The following RARB variants were observed in gnomAD, a reference collection of about 807,000 sequenced individuals.
RARB encodes retinoic acid receptor beta.
RARB carries 17 observed loss-of-function variants against 51.9 expected under a neutral mutation model. The ratio of observed to expected loss-of-function variants is 0.33; its 90% CI spans 0.22 to 0.49. The LOEUF (loss-of-function observed/expected upper bound fraction) is 0.49, where lower values mean the gene tolerates loss of function less well. Among genes scored for constraint, RARB ranks in the 20% least tolerant of loss-of-function variants. The pLI, the probability that RARB is intolerant of heterozygous loss-of-function variation, is 0.99. For synonymous variants in RARB, 215 were observed against 195.4 expected, an observed-to-expected ratio of 1.10 and a Z score of -0.84; for missense variants, 369 against 550.8, an observed-to-expected ratio of 0.67 and a Z score of 3.30.
At chr3:25,417,535 T>G (rs1347260196) in intron 5 of RARB, among the ~76,000 whole-genome samples, 1 of 152,176 alleles carries the variant, frequency 6.6e-6, no homozygotes. Context: ...AATGGGAGTT[T>G]CCCTGCACAA....
chr3:24,921,188 TTC>T (rs1378750538), intron 2 of RARB, among the ~76,000 whole-genome samples: 1 of 152,170 alleles, frequency 6.6e-6, no homozygotes, highest in Admixed American at 6.5e-5. Context: ...GACTATCAGT[TTC>T]TGACTTCTTC....
chr3:25,463,641 G>A (rs1366042719), intron 2 of RARB, among the ~76,000 whole-genome samples: 1 of 149,586 alleles, frequency 6.7e-6, no homozygotes, highest in African/African-American at 2.5e-5. Context: ...CCAGCCTGAC[G>A]ACAGAGTGAG....
At chr3:25,195,686 G>A (rs943698097) in intron 5 of RARB, among the ~76,000 whole-genome samples, 1 of 151,904 alleles carries the variant, frequency 6.6e-6, no homozygotes, top group Non-Finnish European at 1.5e-5. Flanking sequence ...ACTGTATTTT[G>A]CCATTAACTT....
intron 5 of RARB, among the ~76,000 whole-genome samples, chr3:25,292,821 T>C (rs1489623662): frequency 6.6e-6 from 1 of 152,186 alleles, no homozygotes; most frequent in Non-Finnish European, 1.5e-5. Flanking sequence ...GCCTGTGTTA[T>C]GAGAAAACAT....
chr3:25,315,543 G>A (rs1268223278), intron 5 of RARB, among the ~76,000 whole-genome samples: 1 of 152,102 alleles, frequency 6.6e-6, no homozygotes, highest in Non-Finnish European at 1.5e-5. Context: ...ACTGGCAAGA[G>A]ATGGAAGAGC....
rs367564472 is a variant in RARB, at chr3:24,912,254, A to G, written c.-380+53502A>G. ...ATCAGGCATACAAGGTACGAATCCT[A>G]CTTCTTCCATGTTTTATCTATCTGA... On this transcript the variant is annotated intron_variant, in intron 2 of 11. Coordinates refer to the RARB transcript ENST00000383772. Among the ~76,000 whole-genome samples the G allele has an allele frequency of 2.0e-5, 3 of 152,148 alleles. No homozygotes were observed. In the East Asian group the frequency reaches 5.8e-4, roughly 29 times the overall value.
intron 2 of RARB, among the ~76,000 whole-genome samples, chr3:24,964,035 TTGA>T (rs952602190): frequency 1.1e-3 from 175 of 152,250 alleles, no homozygotes; most frequent in African/African-American, 3.9e-3. Flanking sequence ...TTCTCAGTAT[TTGA>T]TATTTGTTTT....
At chr3:24,961,684 T>C (rs1279802151) in intron 2 of RARB, among the ~76,000 whole-genome samples, 1 of 152,096 alleles carries the variant, frequency 6.6e-6, no homozygotes, top group Non-Finnish European at 1.5e-5. Context: ...AAGTGATGGA[T>C]CAACTCAGAA....
chr3:24,932,893 T>A (rs1039869989), intron 2 of RARB, among the ~76,000 whole-genome samples: 7 of 152,128 alleles, frequency 4.6e-5, no homozygotes, highest in African/African-American at 9.7e-5. Flanking sequence ...AGAAAGTAAT[T>A]AATGATTATG....
At position 25,594,666 on chromosome 3, in the gene RARB, A is replaced by G; in HGVS notation, c.1138A>G (p.Ile380Val). Reference protein sequence around the residue: ...ILMKITDLRSISAKGAERVIT... With the variant: ...ILMKITDLRSVSAKGAERVIT... The stretch of plus-strand genomic sequence containing the variant: ...AATGAAAATCACAGATCTCCGTAGC[A>G]TCAGTGCTAAAGGTATGTCTTCGTG... Residue 380 changes from isoleucine (I) to valine (V), a missense_variant, in exon 7 of 8, where the codon ATC becomes GTC. By Grantham distance (29) the Ile-to-Val change is conservative. Coordinates refer to ENST00000330688, the MANE Select transcript of RARB (RefSeq NM_000965.5). 1.2e-6 allele frequency: 2 copies of G among 1,612,654 alleles called. No individual in the cohort carries two copies. The highest frequency in any genetic ancestry group is 3.3e-4 in the Middle Eastern group (2 of 6,048).
At chr3:25,342,806 C>A (rs372218531) in intron 5 of RARB, among the ~76,000 whole-genome samples, 99 of 152,208 alleles carry the variant, frequency 6.5e-4, no homozygotes, top group Middle Eastern at 3.4e-3. Context: ...GTAGGTAGCA[C>A]AGCTTGGCCT....
chr3:25,253,889 A>T (rs1405566072), intron 5 of RARB, among the ~76,000 whole-genome samples: 1 of 152,130 alleles, frequency 6.6e-6, no homozygotes, highest in African/African-American at 2.4e-5. Flanking sequence ...ACTTGTGAGA[A>T]CCTCTAATAG....
intron 5 of RARB, among the ~76,000 whole-genome samples, chr3:25,376,177 C>T (rs906663282): frequency 6.6e-6 from 1 of 152,146 alleles, no homozygotes; most frequent in Admixed American, 6.5e-5. Context: ...GAATCAGTCA[C>T]ATAAAATGGC....
At chr3:25,197,805 C>G (rs1701282613) in intron 5 of RARB, among the ~76,000 whole-genome samples, 3 of 151,818 alleles carry the variant, frequency 2.0e-5, no homozygotes, top group South Asian at 4.2e-4. Context: ...AAAGATATTC[C>G]ATGTTCATGG....
At chr3:25,195,991 G>T (rs1365565559) in intron 5 of RARB, among the ~76,000 whole-genome samples, 1 of 151,936 alleles carries the variant, frequency 6.6e-6, no homozygotes, top group East Asian at 1.9e-4. Flanking sequence ...TTGTTCCTCT[G>T]CTTCGAGTCA....
In RARB at chr3:25,079,312, T is replaced by C. The variant is rs549270241; in HGVS notation, c.-328+19136T>C. Among the ~76,000 whole-genome samples the C allele has an allele frequency of 5.3e-5, 8 of 152,336 alleles. No homozygotes were observed. In the South Asian group the frequency reaches 1.7e-3, roughly 32 times the overall value. On this transcript the variant is annotated intron_variant, in intron 3 of 11. Coordinates refer to the RARB transcript ENST00000383772. ...ATGGACAAATCATAGTTGTATTGTC[T>C]TTGAATAAAGACAGTTTACCTCTTC...
intron 2 of RARB, among the ~76,000 whole-genome samples, chr3:24,906,955 G>C (rs1308836600): frequency 1.3e-5 from 2 of 151,248 alleles, no homozygotes; most frequent in African/African-American, 4.9e-5. Context: ...CAAGTTAAAA[G>C]AAGGAAGAGA....
chr3:25,232,897 T>C (rs2125391232), intron 5 of RARB, among the ~76,000 whole-genome samples: 1 of 152,222 alleles, frequency 6.6e-6, no homozygotes, highest in Admixed American at 6.5e-5. Flanking sequence ...GTAGGTGTTC[T>C]GAGCACATTT....
intron 4 of RARB, among the ~76,000 whole-genome samples, chr3:25,133,402 A>G (rs2125333973): frequency 6.6e-6 from 1 of 152,040 alleles, no homozygotes; most frequent in Non-Finnish European, 1.5e-5. Flanking sequence ...CCACTCTGCA[A>G]GTTTTTGGTT....
Sources: gnomAD v4.1 joint callset for allele counts (sites outside exome capture counted in the v4.1 genomes callset) on GRCh38, gnomAD v4.1.1 for gene constraint, MANE v1.5 for transcripts, NCBI Gene and HGNC (gene_info 2026-07-23, HGNC 2026-07-21) for gene names.